The following DAP3 variants were observed in gnomAD, a reference collection of about 807,000 sequenced individuals.
DAP3 encodes the protein death associated protein 3, also known as small ribosomal subunit protein mS29.
Under a neutral mutation model 51.9 loss-of-function variants are expected in DAP3, and 28 were observed. The observed-to-expected ratio is 0.54, with a 90% CI of 0.40 to 0.74. DAP3 has a LOEUF of 0.74. Ranked by LOEUF, DAP3 falls within the 30% of genes least tolerant of loss-of-function variation. DAP3 has a pLI of 0.00. For synonymous variants in DAP3, 170 were observed against 170.3 expected, an observed-to-expected ratio of 1.00 and a Z score of 0.01; for missense variants, 458 against 483.5, an observed-to-expected ratio of 0.95 and a Z score of 0.49.
chr1:155,721,054 A>G (rs1657939621), intron 3 of DAP3, among the ~76,000 whole-genome samples: 1 of 150,208 alleles, frequency 6.7e-6, no homozygotes, highest in African/African-American at 2.5e-5. Context: ...AAAGAAGACA[A>G]GGCTGGGCAA....
chr1:155,725,531 T>A, intron 5 of DAP3, 41 bp downstream of exon 5: 1 of 1,548,478 alleles, frequency 6.5e-7, no homozygotes, highest in Non-Finnish European at 8.9e-7. Context: ...GAACCAATGC[T>A]TTCTCCCCTC....
At chr1:155,734,526 C>G (rs1349450935) in intron 11 of DAP3, among the ~76,000 whole-genome samples, 1 of 152,054 alleles carries the variant, frequency 6.6e-6, no homozygotes, top group Non-Finnish European at 1.5e-5. Flanking sequence ...GAATATGTTC[C>G]AGACCCCTCT....
chr1:155,699,257 T>G (rs1307325875), intron 1 of DAP3, among the ~76,000 whole-genome samples: 1 of 152,220 alleles, frequency 6.6e-6, no homozygotes, highest in Non-Finnish European at 1.5e-5. Context: ...TCCTTTGTGC[T>G]CAAGCAGCAT....
At chr1:155,716,802 C>T (rs1657386363) in intron 2 of DAP3, among the ~76,000 whole-genome samples, 1 of 151,920 alleles carries the variant, frequency 6.6e-6, no homozygotes, top group African/African-American at 2.4e-5. Flanking sequence ...AAAAAATCAG[C>T]CGGGTGTGGT....
intron 3 of DAP3, among the ~76,000 whole-genome samples, chr1:155,718,157 A>C (rs1356508926): frequency 1.3e-5 from 2 of 152,308 alleles, no homozygotes; most frequent in Non-Finnish European, 2.9e-5. Flanking sequence ...AGGCCGAGGC[A>C]GGAGGATCAC....
chr1:155,706,264 C>T (rs1430865773), intron 1 of DAP3, among the ~76,000 whole-genome samples: 1 of 152,138 alleles, frequency 6.6e-6, no homozygotes, highest in Non-Finnish European at 1.5e-5. Flanking sequence ...TCCCCGCCTC[C>T]CAAAGGGCCG....
chr1:155,689,860 C>G (rs1215350368), intron 1 of DAP3, among the ~76,000 whole-genome samples: 1 of 152,056 alleles, frequency 6.6e-6, no homozygotes, highest in Non-Finnish European at 1.5e-5. Flanking sequence ...TGCAGTGAGC[C>G]GAGATCGCGC....
At position 155,709,154 on chromosome 1, in the gene DAP3, C is replaced by CT. The variant is rs111951498; in HGVS notation, c.-7-607dup. 237 of 144,616 alleles carry CT rather than the reference C, an allele frequency of 1.6e-3. 1 individual carries two copies. Among genetic ancestry groups the CT allele is most frequent in the South Asian group, 7.5e-3 (34 of 4,536 alleles). The allele number at this position is 144,616 out of a possible 1,614,324, so 9.0% of individuals were successfully genotyped here. A position where few individuals can be genotyped will look rare whatever the true frequency, so the allele number is the denominator to read the frequency against. On this transcript the variant is annotated intron_variant, in intron 1 of 12. Coordinates refer to ENST00000368336, the MANE Select transcript of DAP3 (RefSeq NM_004632.4). ...TGAGCCATTACACCTGGCCTATTTT[C>CT]TTTTTTTTTTTTGAGGTGGTCTCAC... is the stretch of plus-strand genomic sequence containing the variant.
chr1:155,705,604 A>G (rs555788103), intron 1 of DAP3, among the ~76,000 whole-genome samples: 10 of 147,992 alleles, frequency 6.8e-5, no homozygotes, highest in Non-Finnish European at 1.0e-4. Flanking sequence ...CCCTGTCTCA[A>G]AAAAAAAAAG....
intron 1 of DAP3, among the ~76,000 whole-genome samples, chr1:155,706,152 AC>A (rs1329074389): frequency 1.3e-5 from 2 of 151,954 alleles, no homozygotes; most frequent in Non-Finnish European, 2.9e-5. Flanking sequence ...GTCCTGCACC[AC>A]CCTGGCAAAC....
chr1:155,737,152 A>G (rs535381504), intron 12 of DAP3, 89 bp downstream of exon 12: 1 of 907,036 alleles, frequency 1.1e-6, no homozygotes, highest in African/African-American at 1.7e-5. Context: ...TCCCTTAACA[A>G]CAGCCTCTAA....
chr1:155,711,076 C>G (rs1302154312), intron 2 of DAP3, among the ~76,000 whole-genome samples: 1 of 151,858 alleles, frequency 6.6e-6, no homozygotes, highest in Non-Finnish European at 1.5e-5. Context: ...TGCATGTGCC[C>G]CCTTCCCTCA....
chr1:155,721,117 C>T (rs1282604048), intron 3 of DAP3, among the ~76,000 whole-genome samples: 17 of 151,514 alleles, frequency 1.1e-4, no homozygotes, highest in Admixed American at 1.1e-3. Context: ...AGGCAGATCA[C>T]CTGAGGTCAG....
intron 2 of DAP3, among the ~76,000 whole-genome samples, chr1:155,714,440 C>G (rs1022052627): frequency 2.6e-5 from 4 of 152,066 alleles, no homozygotes; most frequent in Non-Finnish European, 5.9e-5. Flanking sequence ...ATGAAAAAAT[C>G]AAAGATTTAG....
intron 1 of DAP3, among the ~76,000 whole-genome samples, chr1:155,705,824 C>T (rs2149135883): frequency 1.3e-5 from 2 of 152,190 alleles, no homozygotes; most frequent in East Asian, 3.9e-4. Flanking sequence ...CCTCAGCCTC[C>T]TGAGTAGCTG....
intron 12 of DAP3, among the ~76,000 whole-genome samples, chr1:155,737,478 A>G (rs933931119): frequency 2.6e-5 from 4 of 152,230 alleles, no homozygotes; most frequent in Non-Finnish European, 5.9e-5. Context: ...CTGTCCTAGT[A>G]TATGTACAGA....
rs373171130 is a variant in DAP3, at chr1:155,729,383, T to A, written c.843+17T>A. 72 of 1,611,926 alleles carry A rather than the reference T, an allele frequency of 4.5e-5. No homozygotes were observed. The highest frequency in any genetic ancestry group is 5.9e-5 in the Non-Finnish European group (70 of 1,179,346). On this transcript the variant is annotated intron_variant, in intron 9 of 12. Coordinates refer to ENST00000368336, the MANE Select transcript of DAP3 (RefSeq NM_004632.4). ...AAAAGCCCGGTAGGAAAACTGGGTGTCTCTATCTTGTTTCTCTGATTTCTG... is the reference window on the plus strand; with the variant it reads ...AAAAGCCCGGTAGGAAAACTGGGTGACTCTATCTTGTTTCTCTGATTTCTG...
In DAP3 at chr1:155,721,509, T is replaced by C; in HGVS notation, c.169-8T>C. 6.2e-7 allele frequency: 1 copy of C among 1,613,786 alleles called. No homozygotes were observed. Among genetic ancestry groups the C allele is most frequent in the Admixed American group, 1.7e-5 (1 of 59,918 alleles). On this transcript the variant is annotated splice_polypyrimidine_tract_variant and splice_region_variant and intron_variant, in intron 3 of 12. Coordinates refer to ENST00000368336, the MANE Select transcript of DAP3 (RefSeq NM_004632.4). ...ACCATTATACCTGTTTGCACTCTTA[T>C]TTCCTAGGCCAAGCATGGGGATCAG...
intron 1 of DAP3, among the ~76,000 whole-genome samples, chr1:155,696,897 AACAAGC>A (rs1654583861): frequency 6.6e-6 from 1 of 152,208 alleles, no homozygotes; most frequent in African/African-American, 2.4e-5. Flanking sequence ...AATCTATAAT[AACAAGC>A]AGCCAGTCTT....
Sources: allele counts gnomAD v4.1 joint callset (sites outside exome capture counted in the v4.1 genomes callset), GRCh38; gene constraint gnomAD v4.1.1; transcripts MANE v1.5; gene names NCBI Gene and HGNC (gene_info 2026-07-23, HGNC 2026-07-21).